EDIL3: variants seen among roughly 807,000 people sequenced by gnomAD.
The protein encoded by EDIL3 is EGF like and discoidin domains 3, also known as EGF-like repeat and discoidin I-like domain-containing protein 3.
EDIL3 carries 37 observed loss-of-function variants against 67.4 expected under a neutral mutation model. That is an observed-to-expected ratio of 0.55 (90% CI 0.42 to 0.72). The LOEUF (loss-of-function observed/expected upper bound fraction) is 0.72. Among genes scored for constraint, EDIL3 ranks in the 30% least tolerant of loss-of-function variants. The pLI, the probability that EDIL3 is intolerant of heterozygous loss-of-function variation, is 0.00. For missense variants in EDIL3, 527 were observed against 586.3 expected (o/e 0.90, Z 1.04); for synonymous variants, 195 against 196.3 (o/e 0.99, Z 0.05).
intron 9 of EDIL3, among the ~76,000 whole-genome samples, chr5:83,964,466 A>G (rs1038610111): frequency 6.6e-6 from 1 of 151,792 alleles, no homozygotes; most frequent in Non-Finnish European, 1.5e-5. Context: ...TTCAACCACT[A>G]TGTCCTTTTG....
chr5:84,384,339 C>T lies in EDIL3; in HGVS notation c.36G>A (p.Gly12=), dbSNP rs1363765066. The change falls in exon 1 of 11, where the codon GGG becomes GGA. Residue 12 remains glycine, a synonymous_variant. Coordinates refer to ENST00000296591, the MANE Select transcript of EDIL3 (RefSeq NM_005711.5). The stretch of plus-strand genomic sequence containing the variant: ...CGAACTGGGGGACACCGAGGCTGAG[C>T]CCGACCAAGAGCCAGACGGCTACCG... The part of the protein sequence containing the change: ...KRSVAVWLLV[G]LSLGVPQFGK... 6.8e-6 allele frequency: 11 copies of T among 1,612,218 alleles called. No homozygotes were observed. Among genetic ancestry groups the T allele is most frequent in the Non-Finnish European group, 9.3e-6 (11 of 1,179,236 alleles).
rs565365228 is a variant in EDIL3, at chr5:84,109,181, C to G, written c.470-2351G>C. On this transcript the variant is annotated intron_variant, in intron 5 of 10. Transcript: ENST00000296591. ...CATAAGGTTCCAAATCTTTGCTATG[C>G]TCTTTAGTCCTGCATATTAATTCTT... 3.9e-5 allele frequency among the ~76,000 whole-genome samples: 6 copies of G among 152,216 alleles called. No individual in the cohort carries two copies. The South Asian group carries it at 1.2e-3, about 32-fold the overall frequency.
intron 6 of EDIL3, among the ~76,000 whole-genome samples, chr5:84,087,259 T>G (rs765835563): frequency 6.6e-6 from 1 of 152,224 alleles, no homozygotes; most frequent in Non-Finnish European, 1.5e-5. Context: ...TTGTATAATC[T>G]TCACAACAAT....
At chr5:84,008,760 A>G (rs1217358839) in intron 9 of EDIL3, among the ~76,000 whole-genome samples, 1 of 152,126 alleles carries the variant, frequency 6.6e-6, no homozygotes, top group Admixed American at 6.6e-5. Flanking sequence ...TAATCAGTTG[A>G]CTGCTAATGA....
intron 1 of EDIL3, among the ~76,000 whole-genome samples, chr5:84,312,182 C>CAG (rs1160882085): frequency 7.2e-6 from 1 of 139,806 alleles, no homozygotes; most frequent in East Asian, 2.3e-4. Flanking sequence ...GCTGGCCGGG[C>CAG]GGGGGCTGAC....
chr5:84,125,963 C>T (rs899028130), intron 5 of EDIL3, among the ~76,000 whole-genome samples: 1 of 151,876 alleles, frequency 6.6e-6, no homozygotes, highest in Non-Finnish European at 1.5e-5. Context: ...TTTAGTTTAC[C>T]TCTTTTCCTT....
intron 1 of EDIL3, among the ~76,000 whole-genome samples, chr5:84,382,249 A>G (rs77125613): frequency 0.017 from 2,639 of 152,306 alleles, 68 homozygotes; most frequent in African/African-American, 0.06. Flanking sequence ...AGCATTGTCT[A>G]AGAGAACCAG....
At chr5:84,041,979 T>C (rs1561412411) in intron 9 of EDIL3, among the ~76,000 whole-genome samples, 2 of 152,110 alleles carry the variant, frequency 1.3e-5, no homozygotes, top group African/African-American at 2.4e-5. Flanking sequence ...ATAATAGTTG[T>C]TCCACTCATT....
At chr5:84,051,893 T>A (rs1477024407) in intron 9 of EDIL3, among the ~76,000 whole-genome samples, 1 of 152,164 alleles carries the variant, frequency 6.6e-6, no homozygotes, top group African/African-American at 2.4e-5. Flanking sequence ...CTGCAGGATA[T>A]CATCCAGGAG....
chr5:84,208,119 A>C (rs1191146354), intron 3 of EDIL3, among the ~76,000 whole-genome samples: 2 of 152,012 alleles, frequency 1.3e-5, no homozygotes, highest in Non-Finnish European at 1.5e-5. Flanking sequence ...CAACCTACAA[A>C]ATGGGAGAAA....
intron 1 of EDIL3, among the ~76,000 whole-genome samples, chr5:84,348,781 G>A (rs1303731754): frequency 6.6e-6 from 1 of 152,036 alleles, no homozygotes; most frequent in Non-Finnish European, 1.5e-5. Flanking sequence ...GAAGGCATAA[G>A]TATCATAATA....
chr5:84,283,044 T>G (rs1432434284), intron 1 of EDIL3, among the ~76,000 whole-genome samples: 1 of 152,152 alleles, frequency 6.6e-6, no homozygotes, highest in Non-Finnish European at 1.5e-5. Context: ...TATTTCTTTT[T>G]TTTTTTAACC....
intron 9 of EDIL3, among the ~76,000 whole-genome samples, chr5:84,049,722 C>A (rs950713891): frequency 2.0e-5 from 3 of 150,064 alleles, no homozygotes; most frequent in African/African-American, 2.5e-5. Context: ...CTTTATTGCT[C>A]AAAGTATTAG....
At chr5:84,061,600 C>T (rs1264714846) in intron 8 of EDIL3, among the ~76,000 whole-genome samples, 4 of 152,124 alleles carry the variant, frequency 2.6e-5, no homozygotes, top group Non-Finnish European at 4.4e-5. Context: ...AGCTGTGTAG[C>T]CTTGCCCTGT....
rs77495691 is a variant in EDIL3 at position 83,951,382 on chromosome 5, C to T, written c.1294-7814G>A. Among the ~76,000 whole-genome samples the T allele has an allele frequency of 5.6e-3, 855 of 151,858 alleles. 18 individuals carry two copies. The East Asian group carries it at 0.068, about 12-fold the overall frequency. ...ATGAATCTGGCTTTGCTTCATGTTCCTCATGTATATAAATCTCTGATTATA... is the reference window on the plus strand; with the variant it reads ...ATGAATCTGGCTTTGCTTCATGTTCTTCATGTATATAAATCTCTGATTATA... On this transcript the variant is annotated intron_variant, in intron 10 of 10. Transcript: ENST00000296591.
At chr5:84,107,696 T>C (rs866207088) in intron 5 of EDIL3, among the ~76,000 whole-genome samples, 22 of 146,534 alleles carry the variant, frequency 1.5e-4, no homozygotes, top group African/African-American at 5.9e-4. Flanking sequence ...CAAATGTATT[T>C]AGTTTTTCAA....
chr5:84,181,568 C>T (rs1030594510), intron 3 of EDIL3, among the ~76,000 whole-genome samples: 1 of 152,204 alleles, frequency 6.6e-6, no homozygotes, highest in African/African-American at 2.4e-5. Context: ...ATGTCACGGT[C>T]TGTAGGCTCA....
chr5:84,169,842 C>T (rs913845780), intron 4 of EDIL3, among the ~76,000 whole-genome samples: 18 of 152,100 alleles, frequency 1.2e-4, no homozygotes, highest in African/African-American at 3.9e-4. Context: ...AATAAAGCTG[C>T]TATGAGTATC....
At chr5:84,045,313 C>A (rs1283663257) in intron 9 of EDIL3, among the ~76,000 whole-genome samples, 1 of 152,066 alleles carries the variant, frequency 6.6e-6, no homozygotes. Flanking sequence ...CAACAAGCAA[C>A]CAGCAAAGCT....
Sources: gnomAD v4.1 joint callset for allele counts (sites outside exome capture counted in the v4.1 genomes callset) on GRCh38, gnomAD v4.1.1 for gene constraint, MANE v1.5 for transcripts, NCBI Gene and HGNC (gene_info 2026-07-23, HGNC 2026-07-21) for gene names.